The following CCM2L variants were observed in gnomAD, a reference collection of about 807,000 sequenced individuals.
The protein encoded by CCM2L is cerebral cavernous malformations 2 protein-like.
In CCM2L, 36 loss-of-function variants were observed where a neutral mutation model predicts 54.1. The observed-to-expected ratio is 0.67, with a 90% CI of 0.51 to 0.88. CCM2L has a LOEUF of 0.88. CCM2L is among the 40% of genes least tolerant of loss of function. The pLI is 0.00. For synonymous variants in CCM2L, 351 were observed against 359.3 expected (o/e 0.98, Z 0.26); for missense variants, 700 against 812.1 (o/e 0.86, Z 1.68).
chr20:32,017,359 G>A (rs2064749114), intron 2 of CCM2L, among the ~76,000 whole-genome samples: 1 of 152,188 alleles, frequency 6.6e-6, no homozygotes, highest in Non-Finnish European at 1.5e-5. Flanking sequence ...TTGGGGTAGA[G>A]AGAGCCACTC....
Position 32,015,005 on chromosome 20 carries a change from T to C in CCM2L, c.132T>C (p.Leu44=), listed in dbSNP as rs1028605235. ...VSRRPLHSMP[L]YPPDYLIDPQ... Reference sequence around the variant, plus strand: ...GCCGGCCCCTGCACTCGATGCCCCTTTATCCCCCCGACTACCTCATCGACC... The same window carrying C: ...GCCGGCCCCTGCACTCGATGCCCCTCTATCCCCCCGACTACCTCATCGACC... Residue 44 remains leucine (L), a synonymous_variant, in exon 2 of 10, where the codon CTT becomes CTC. Transcript: ENST00000452892. 2 of 1,577,448 alleles carry C rather than the reference T, an allele frequency of 1.3e-6. No homozygotes were observed. The highest frequency in any genetic ancestry group is 1.7e-6 in the Non-Finnish European group (2 of 1,164,156).
At chr20:32,025,982 T>TAG (rs1363761021) in intron 7 of CCM2L, 63 bp downstream of exon 7, 1 of 1,209,900 alleles carries the variant, frequency 8.3e-7, no homozygotes, top group Non-Finnish European at 1.1e-6. Flanking sequence ...ACAGGGTGAC[T>TAG]AGAGAGGGTA....
chr20:32,014,725 T>C (rs1340523048), intron 1 of CCM2L, among the ~76,000 whole-genome samples, 179 bp from the exon 2 acceptor site: 1 of 152,190 alleles, frequency 6.6e-6, no homozygotes, highest in African/African-American at 2.4e-5. Flanking sequence ...CTGGTGACTT[T>C]ATCAGTTAGT....
intron 5 of CCM2L, among the ~76,000 whole-genome samples, chr20:32,020,891 C>T (rs529905185): frequency 2.0e-5 from 3 of 152,168 alleles, no homozygotes; most frequent in South Asian, 2.1e-4. Context: ...GGCTGAAGCA[C>T]GAGAATCCCT....
intron 6 of CCM2L, among the ~76,000 whole-genome samples, chr20:32,023,146 A>G (rs1382791545): frequency 6.7e-6 from 1 of 150,208 alleles, no homozygotes; most frequent in Non-Finnish European, 1.5e-5. Context: ...TTTTTTTTGT[A>G]TTTTTATTAG....
chr20:32,018,196 C>CG (rs2064758584), intron 4 of CCM2L, 34 bp downstream of exon 4: 1 of 9,790 alleles, frequency 1.0e-4, no homozygotes, highest in Non-Finnish European at 1.6e-4. Context: ...GGGGGAGGGG[C>CG]GGGGGCGGGG....
At chr20:32,025,088 TTTC>T (rs1001264161) in intron 6 of CCM2L, among the ~76,000 whole-genome samples, 5 of 151,356 alleles carry the variant, frequency 3.3e-5, no homozygotes, top group Non-Finnish European at 5.9e-5. Context: ...TCTTTCTCTC[TTTC>T]TTTTCTTTTC....
At position 32,022,870 on chromosome 20, in the gene CCM2L, A is replaced by G. The variant is rs753578419; in HGVS notation, c.1069+75A>G. On this transcript the variant is annotated intron_variant, in intron 6 of 9. Transcript: ENST00000452892. ...GCCAGGGGAGGGAAGATGTCCCAGG[A>G]CTTGGGCTGATGAAGGTATTTAGGG... 885 of 1,541,740 alleles carry G rather than the reference A, an allele frequency of 5.7e-4. 1 individual carries two copies. Among genetic ancestry groups the G allele is most frequent in the Non-Finnish European group, 7.1e-4 (814 of 1,138,638 alleles).
At chr20:32,028,785 A>G (rs535317223) in intron 7 of CCM2L, 1 of 584,072 alleles carries the variant, frequency 1.7e-6, no homozygotes, top group African/African-American at 1.9e-5. Context: ...GTAGAGGAAG[A>G]AGGAGAAGGG....
chr20:32,014,263 T>TATATATA lies in CCM2L; in HGVS notation c.31-641_31-640insATATATA, dbSNP rs367825984. Among the ~76,000 whole-genome samples the TATATATA allele has an allele frequency of 6.3e-3, 663 of 104,922 alleles. 2 individuals are homozygous for TATATATA. Among genetic ancestry groups the TATATATA allele is most frequent in the Middle Eastern group, 0.016 (3 of 188 alleles). The allele number at this position is 104,922 out of a possible 152,430, so 68.8% of individuals were successfully genotyped here. Reference sequence around the variant, plus strand: ...TGTGTGTACATATATATATATATATTTTTTTTTTTTTTTTGAGACAGAGTC... The same window carrying TATATATA: ...TGTGTGTACATATATATATATATATTATATATATTTTTTTTTTTTTTGAGACAGAGTC... On this transcript the variant is annotated intron_variant, in intron 1 of 9. Transcript: ENST00000452892.
chr20:32,011,742 C>CA (rs1282779598), intron 1 of CCM2L, among the ~76,000 whole-genome samples: 2 of 151,852 alleles, frequency 1.3e-5, no homozygotes, highest in Non-Finnish European at 2.9e-5. Context: ...AGAGGAACAG[C>CA]ATGTGCAAAA....
intron 2 of CCM2L, among the ~76,000 whole-genome samples, chr20:32,015,467 C>A (rs556548314): frequency 6.6e-6 from 1 of 152,232 alleles, no homozygotes; most frequent in East Asian, 1.9e-4. Context: ...TAAAGGAAGG[C>A]AAAGGTTTTT....
intron 8 of CCM2L, 99 bp from the exon 9 acceptor site, chr20:32,029,601 T>G: frequency 6.9e-7 from 1 of 1,445,514 alleles, no homozygotes; most frequent in Non-Finnish European, 9.2e-7. Flanking sequence ...AGAGGAGAGC[T>G]GGACCAAACA....
chr20:32,029,281 G>A, intron 8 of CCM2L, 157 bp downstream of exon 8: 3 of 974,378 alleles, frequency 3.1e-6, no homozygotes, highest in Admixed American at 2.5e-5. Context: ...AGGCCAGCTT[G>A]TGAAAGGCCT....
rs757747805 is a variant in CCM2L, at chr20:32,022,647, C to T, written c.934-13C>T. On this transcript the variant is annotated splice_polypyrimidine_tract_variant and intron_variant, in intron 5 of 9. Transcript: ENST00000452892. ...GTGAGGACCTGAGCTCTCTCTCCTCCTCCCTGGGCCAGGACGCTGCAGAGG... is the reference window on the plus strand; with the variant it reads ...GTGAGGACCTGAGCTCTCTCTCCTCTTCCCTGGGCCAGGACGCTGCAGAGG... 13 of 1,613,488 alleles carry T rather than the reference C, an allele frequency of 8.1e-6. No individual in the cohort carries two copies. In the South Asian group the frequency reaches 1.3e-4, roughly 16 times the overall value.
chr20:32,029,869 C>G, intron 9 of CCM2L, 31 bp downstream of exon 9: 1 of 1,556,638 alleles, frequency 6.4e-7, no homozygotes, highest in Non-Finnish European at 8.7e-7. Flanking sequence ...CAGAGGTCAG[C>G]TAGGGCCCCT....
intron 1 of CCM2L, among the ~76,000 whole-genome samples, 173 bp downstream of exon 1, chr20:32,010,657 C>A (rs918412593): frequency 1.3e-5 from 2 of 152,146 alleles, no homozygotes; most frequent in Non-Finnish European, 2.9e-5. Flanking sequence ...AGGCTCTAAA[C>A]TCCCTGTTTC....
At chr20:32,023,291 A>G (rs1467185652) in intron 6 of CCM2L, among the ~76,000 whole-genome samples, 1 of 152,198 alleles carries the variant, frequency 6.6e-6, no homozygotes, top group Non-Finnish European at 1.5e-5. Flanking sequence ...TGATGATCTC[A>G]AACTTAGCTT....
intron 4 of CCM2L, among the ~76,000 whole-genome samples, chr20:32,018,495 C>G (rs565142648): frequency 9.9e-5 from 15 of 150,942 alleles, no homozygotes; most frequent in Non-Finnish European, 1.6e-4. Flanking sequence ...AGTTACCACC[C>G]GGCTCTGAGG....
Sources: allele counts gnomAD v4.1 joint callset (sites outside exome capture counted in the v4.1 genomes callset), GRCh38; gene constraint gnomAD v4.1.1; transcripts MANE v1.5; gene names NCBI Gene and HGNC (gene_info 2026-07-23, HGNC 2026-07-21).